Variants in EFCAB5 observed in about 807,000 individuals in gnomAD.
EFCAB5 encodes EF-hand calcium-binding domain-containing protein 5.
A neutral mutation model predicts 167.9 loss-of-function variants in EFCAB5; 131 were observed. That is an observed-to-expected ratio of 0.78 (90% CI 0.68 to 0.90). The LOEUF is 0.90. Among genes scored for constraint, EFCAB5 ranks in the 40% least tolerant of loss-of-function variants. The pLI is 0.00. For synonymous variants in EFCAB5, 574 were observed against 602.8 expected (o/e 0.95, Z 0.70); for missense variants, 1,663 against 1,745.2 (o/e 0.95, Z 0.84).
intron 7 of EFCAB5, among the ~76,000 whole-genome samples, chr17:30,009,042 A>G (rs2068835921): frequency 6.6e-6 from 1 of 152,128 alleles, no homozygotes; most frequent in Non-Finnish European, 1.5e-5. Flanking sequence ...TTGTGGTCAC[A>G]TTGCCTTTTC....
At chr17:30,087,486 C>T (rs1865460523) in intron 19 of EFCAB5, among the ~76,000 whole-genome samples, 1 of 152,102 alleles carries the variant, frequency 6.6e-6, no homozygotes, top group Non-Finnish European at 1.5e-5. Context: ...GTGCCCTTCC[C>T]TGTGTCCATG....
intron 7 of EFCAB5, among the ~76,000 whole-genome samples, chr17:30,021,556 G>A (rs2151707610): frequency 6.6e-6 from 1 of 150,660 alleles, no homozygotes; most frequent in East Asian, 1.9e-4. Flanking sequence ...TTGTTTTAAT[G>A]GATGGCTTGA....
intron 8 of EFCAB5, among the ~76,000 whole-genome samples, chr17:30,036,310 TATAATA>T (rs2069623174): frequency 7.7e-6 from 1 of 130,278 alleles, no homozygotes; most frequent in Admixed American, 8.4e-5. Flanking sequence ...TATAATTATA[TATAATA>T]CACATATATA....
Position 30,108,196 on chromosome 17 carries a change from T to A in EFCAB5, c.*172T>A. ...CAAAAGTGCTACCTAAGAAGAAATT[T>A]AGCCAAAAAATACCCAGCTAAGGTA... On this transcript the variant is annotated 3_prime_UTR_variant, in exon 23 of 23. Coordinates refer to ENST00000394835, the MANE Select transcript of EFCAB5 (RefSeq NM_198529.4). The A allele has an allele frequency of 1.5e-6, 1 of 672,984 alleles. No homozygotes were observed. The highest frequency in any genetic ancestry group is 1.9e-5 in the African/African-American group (1 of 52,648). 41.7% of individuals were successfully genotyped at this position (672,984 alleles called of 1,614,324 possible). A position where few individuals can be genotyped will look rare whatever the true frequency, so the allele number is the denominator to read the frequency against.
chr17:30,028,052 C>T (rs568824254), intron 7 of EFCAB5, among the ~76,000 whole-genome samples: 103 of 152,256 alleles, frequency 6.8e-4, no homozygotes, highest in African/African-American at 2.3e-3. Context: ...TTCTGCTACA[C>T]GGAGGAACTG....
chr17:29,943,750 G>C (rs1046630153), intron 3 of EFCAB5, 101 bp downstream of exon 3: 2 of 968,738 alleles, frequency 2.1e-6, no homozygotes, highest in Non-Finnish European at 3.0e-6. Context: ...GAGGCGGGTG[G>C]ATCATCAGAG....
rs1215863335 is a variant in EFCAB5 at position 30,079,951 on chromosome 17, T to C, written c.3028-121T>C. 61 of 1,205,610 alleles carry C rather than the reference T, an allele frequency of 5.1e-5. No homozygotes were observed. In the South Asian group the frequency reaches 9.4e-4, roughly 19 times the overall value. 74.7% of individuals were successfully genotyped at this position (1,205,610 alleles called of 1,614,324 possible). A position where few individuals can be genotyped will look rare whatever the true frequency, so the allele number is the denominator to read the frequency against. ...CTGCCCATGAATAGTAATATATGCATTCTTTATTCAGGAAAATGAAACTAC... is the reference window on the plus strand; with the variant it reads ...CTGCCCATGAATAGTAATATATGCACTCTTTATTCAGGAAAATGAAACTAC... On this transcript the variant is annotated intron_variant, in intron 15 of 22. Transcript: ENST00000394835.
At chr17:30,000,959 C>T (rs2068649089) in intron 7 of EFCAB5, among the ~76,000 whole-genome samples, 1 of 152,318 alleles carries the variant, frequency 6.6e-6, no homozygotes, top group Middle Eastern at 3.4e-3. Context: ...AACCCAGAAC[C>T]AGGTACCAGA....
At chr17:30,039,474 G>A (rs909855870) in intron 8 of EFCAB5, among the ~76,000 whole-genome samples, 1 of 152,068 alleles carries the variant, frequency 6.6e-6, no homozygotes, top group African/African-American at 2.4e-5. Context: ...CCTTGTGGAG[G>A]TTTGCAAAGC....
chr17:30,070,425 A>T (rs1340595800), intron 14 of EFCAB5, among the ~76,000 whole-genome samples: 1 of 152,222 alleles, frequency 6.6e-6, no homozygotes, highest in Non-Finnish European at 1.5e-5. Context: ...GCATCACACT[A>T]TCAGACTTTA....
intron 7 of EFCAB5, among the ~76,000 whole-genome samples, chr17:30,003,132 G>A (rs571569174): frequency 4.0e-5 from 6 of 150,560 alleles, no homozygotes; most frequent in Admixed American, 1.3e-4. Context: ...TCTGTTGTTC[G>A]GGTAAATTCT....
At chr17:30,056,445 G>A (rs756431665) in intron 12 of EFCAB5, among the ~76,000 whole-genome samples, 1 of 152,114 alleles carries the variant, frequency 6.6e-6, no homozygotes, top group African/African-American at 2.4e-5. Flanking sequence ...CTGCTTTAAA[G>A]CTATGATCTA....
chr17:30,021,201 G>T (rs1196580190), intron 7 of EFCAB5, among the ~76,000 whole-genome samples: 1 of 151,100 alleles, frequency 6.6e-6, no homozygotes, highest in Admixed American at 6.6e-5. Flanking sequence ...AGAGAGGAAA[G>T]TTAGGTTAGA....
At chr17:30,069,648 G>C (rs1435004917) in intron 14 of EFCAB5, 3 of 1,588,464 alleles carry the variant, frequency 1.9e-6, no homozygotes, top group Non-Finnish European at 1.7e-6. Flanking sequence ...GGGCCACGGG[G>C]GCCCAGCACG....
In EFCAB5 at chr17:30,019,923, G is replaced by A. The variant is rs192436013; in HGVS notation, c.1045-14307G>A. The stretch of plus-strand genomic sequence containing the variant: ...TATAATACGTGTATTTATGTACAAC[G>A]GGATGTTTATATATATAAAATGTAG... On this transcript the variant is annotated intron_variant, in intron 7 of 22. Transcript: ENST00000394835. 2.3e-4 allele frequency among the ~76,000 whole-genome samples: 35 copies of A among 151,892 alleles called. No individual in the cohort carries two copies. In the East Asian group the frequency reaches 6.4e-3, roughly 28 times the overall value.
intron 8 of EFCAB5, among the ~76,000 whole-genome samples, chr17:30,044,683 G>T (rs1364739538): frequency 6.6e-6 from 1 of 152,094 alleles, no homozygotes; most frequent in East Asian, 1.9e-4. Context: ...TAGATTGCTG[G>T]TAGGAATGAT....
chr17:30,041,518 T>C (rs1442806931), intron 8 of EFCAB5, among the ~76,000 whole-genome samples: 6 of 152,338 alleles, frequency 3.9e-5, no homozygotes, highest in African/African-American at 1.4e-4. Flanking sequence ...TTTCTTGATA[T>C]GGAATTTACC....
intron 14 of EFCAB5, 131 bp from the exon 15 acceptor site, chr17:30,078,084 C>T (rs1180738683): frequency 3.3e-6 from 3 of 908,130 alleles, no homozygotes; most frequent in African/African-American, 1.7e-5. Context: ...TCAGAGATGC[C>T]TTTGGTATAC....
chr17:30,033,869 G>C (rs2069547348), intron 7 of EFCAB5, among the ~76,000 whole-genome samples: 1 of 152,192 alleles, frequency 6.6e-6, no homozygotes, highest in Non-Finnish European at 1.5e-5. Context: ...ATATACCATA[G>C]AAAAACTGCA....
Sources: allele counts gnomAD v4.1 joint callset (sites outside exome capture counted in the v4.1 genomes callset), GRCh38; gene constraint gnomAD v4.1.1; transcripts MANE v1.5; gene names NCBI Gene and HGNC (gene_info 2026-07-23, HGNC 2026-07-21).